WNK3: variants seen among roughly 807,000 people sequenced by gnomAD.
The protein encoded by WNK3 is serine/threonine-protein kinase WNK3.
In WNK3, 18 loss-of-function variants were observed where a neutral mutation model predicts 116.7. The ratio of observed to expected loss-of-function variants is 0.15; its 90% CI spans 0.11 to 0.23. The LOEUF (loss-of-function observed/expected upper bound fraction) is 0.23, where lower values mean the gene tolerates loss of function less well. WNK3 is among the 10% of genes least tolerant of loss of function. The pLI, the probability that WNK3 is intolerant of heterozygous loss-of-function variation, is 1.00. For synonymous variants in WNK3, 404 were observed against 469.4 expected, an observed-to-expected ratio of 0.86 and a Z score of 1.80; for missense variants, 993 against 1,323.8, an observed-to-expected ratio of 0.75 and a Z score of 3.88.
At chrX:54,332,146 T>C (rs1557174370) in intron 2 of WNK3, among the ~76,000 whole-genome samples, 1 of 112,341 alleles carries the variant, frequency 8.9e-6, no homozygotes, top group African/African-American at 3.2e-5. Context: ...TGTCCCTATT[T>C]AGTTCTTCAT....
intron 10 of WNK3, among the ~76,000 whole-genome samples, chrX:54,288,770 T>G (rs1298388819): frequency 9.0e-6 from 1 of 111,533 alleles, no homozygotes; most frequent in African/African-American, 3.3e-5. Flanking sequence ...TATCTAAGGT[T>G]GGTATTAAAT....
intron 2 of WNK3, among the ~76,000 whole-genome samples, chrX:54,321,918 A>G (rs1257673842): frequency 9.4e-6 from 1 of 106,262 alleles, no homozygotes; most frequent in African/African-American, 3.4e-5. Context: ...CCGGAGGCAG[A>G]GGTTGCAGTG....
chrX:54,298,241 G>A (rs1218731757), exon 7 of WNK3: 4 of 1,208,381 alleles, frequency 3.3e-6, no homozygotes, highest in South Asian at 1.8e-5. Flanking sequence ...TAGCTTCATT[G>A]TCTTTGTGTT....
At chrX:54,315,354 T>C (rs1236357891) in intron 2 of WNK3, among the ~76,000 whole-genome samples, 4 of 108,739 alleles carry the variant, frequency 3.7e-5, no homozygotes, top group South Asian at 4.0e-4. Flanking sequence ...TCCACTTCTA[T>C]ATGATTGCCC....
chrX:54,222,915 A>AATAAT lies in WNK3; in HGVS notation c.4870+5798_4870+5799insATTAT, dbSNP rs1491230973. ...ATAGTATAATAATAATAATAATAATAATATATATATATATATATATATATA... is the reference window on the plus strand; with the variant it reads ...ATAGTATAATAATAATAATAATAATAATAATATATATATATATATATATATATATA... On this transcript the variant is annotated intron_variant, in intron 22 of 23. Transcript: ENST00000354646. Among the ~76,000 whole-genome samples the AATAAT allele has an allele frequency of 3.3e-3, 265 of 80,999 alleles. 1 individual carries two copies. The highest frequency in any genetic ancestry group is 0.013 in the African/African-American group (229 of 17,221). The allele number at this position is 80,999 out of a possible 115,157, so 70.3% of individuals were successfully genotyped here.
At chrX:54,289,293 T>C (rs1021723210) in intron 10 of WNK3, among the ~76,000 whole-genome samples, 5 of 111,025 alleles carry the variant, frequency 4.5e-5, no homozygotes, top group Non-Finnish European at 9.4e-5. Context: ...GCTGTTTATG[T>C]AGTGGAGCCT....
intron 5 of WNK3, among the ~76,000 whole-genome samples, chrX:54,302,930 A>ATTTT (rs782315389): frequency 8.6e-5 from 7 of 81,708 alleles, no homozygotes; most frequent in African/African-American, 1.5e-4. Flanking sequence ...AACTCGGCTA[A>ATTTT]TTTTTTTTTT....
At chrX:54,311,555 A>C (rs1306192300) in intron 2 of WNK3, among the ~76,000 whole-genome samples, 1 of 112,055 alleles carries the variant, frequency 8.9e-6, no homozygotes, top group Non-Finnish European at 1.9e-5. Context: ...TATCTTGAAA[A>C]ACAGTATCTC....
exon 11 of WNK3, chrX:54,259,309 T>C (rs781997757): frequency 1.7e-6 from 2 of 1,199,629 alleles, no homozygotes; most frequent in South Asian, 1.8e-5. Flanking sequence ...GAGCTGCTTG[T>C]TGTTCAGCTC....
At chrX:54,221,526 T>C (rs1165141483) in intron 22 of WNK3, among the ~76,000 whole-genome samples, 3 of 111,690 alleles carry the variant, frequency 2.7e-5, no homozygotes, top group African/African-American at 9.8e-5. Context: ...ACCATTGAAG[T>C]TAATTTAGTA....
chrX:54,243,941 C>T (rs2146905903), intron 17 of WNK3, among the ~76,000 whole-genome samples: 1 of 111,847 alleles, frequency 8.9e-6, no homozygotes, highest in African/African-American at 3.2e-5. Context: ...GGAATATGAA[C>T]CTTGAAACAT....
At chrX:54,243,078 C>T (rs1394654831) in intron 17 of WNK3, among the ~76,000 whole-genome samples, 2 of 109,931 alleles carry the variant, frequency 1.8e-5, no homozygotes, top group African/African-American at 6.6e-5. Context: ...TTCCCTAAAT[C>T]CTGGGATTAC....
At chrX:54,260,882 C>T (rs1222326948) in intron 10 of WNK3, among the ~76,000 whole-genome samples, 3 of 107,093 alleles carry the variant, frequency 2.8e-5, no homozygotes, top group South Asian at 4.3e-4. Flanking sequence ...CCACCACACC[C>T]GGCTATTTTT....
intron 5 of WNK3, among the ~76,000 whole-genome samples, chrX:54,303,594 T>C: frequency 9.0e-6 from 1 of 111,175 alleles, no homozygotes; most frequent in Non-Finnish European, 1.9e-5. Flanking sequence ...AGGAGTTAAT[T>C]TAGTTCCTAA....
chrX:54,222,004 A>C (rs1168922724), intron 22 of WNK3, among the ~76,000 whole-genome samples: 2 of 111,256 alleles, frequency 1.8e-5, no homozygotes, highest in Non-Finnish European at 3.8e-5. Context: ...TAAAAATACA[A>C]AAATTAGCTG....
intron 22 of WNK3, among the ~76,000 whole-genome samples, chrX:54,215,065 C>T (rs1569535402): frequency 3.1e-5 from 3 of 95,910 alleles, no homozygotes; most frequent in South Asian, 5.4e-4. Flanking sequence ...TGCAGTGAGC[C>T]GAGACTGTGC....
intron 1 of WNK3, among the ~76,000 whole-genome samples, chrX:54,353,151 T>C (rs975883035): frequency 2.4e-4 from 27 of 111,834 alleles, no homozygotes; most frequent in Non-Finnish European, 1.3e-4. Flanking sequence ...ACTGTACAAC[T>C]GTACACTTTA....
At chrX:54,332,676 C>G (rs1229780828) in intron 2 of WNK3, among the ~76,000 whole-genome samples, 5 of 110,135 alleles carry the variant, frequency 4.5e-5, no homozygotes, top group Non-Finnish European at 9.5e-5. Context: ...CACCTGAGGT[C>G]AGGAGTTCAA....
At chrX:54,274,474 C>A (rs1428525585) in intron 10 of WNK3, among the ~76,000 whole-genome samples, 4 of 112,023 alleles carry the variant, frequency 3.6e-5, no homozygotes, top group African/African-American at 1.3e-4. Context: ...CTAAGGCCAA[C>A]CCCTCTATGT....
Sources: gnomAD v4.1 joint callset for allele counts (sites outside exome capture counted in the v4.1 genomes callset) on GRCh38, gnomAD v4.1.1 for gene constraint, MANE v1.5 for transcripts, NCBI Gene and HGNC (gene_info 2026-07-23, HGNC 2026-07-21) for gene names.